INPP5A: variants seen among roughly 807,000 people sequenced by gnomAD.
INPP5A encodes the protein 43 kDa inositol polyphosphate 5-phophatase.
In INPP5A, 14 loss-of-function variants were observed where a neutral mutation model predicts 65.2. The ratio of observed to expected loss-of-function variants is 0.21; its 90% CI spans 0.14 to 0.34. The LOEUF (loss-of-function observed/expected upper bound fraction) is 0.34. INPP5A is among the 10% of genes least tolerant of loss of function. The pLI, the probability that INPP5A is intolerant of heterozygous loss-of-function variation, is 1.00. For synonymous variants in INPP5A, 207 were observed against 208.3 expected, an observed-to-expected ratio of 0.99 and a Z score of 0.05; for missense variants, 431 against 545.6, an observed-to-expected ratio of 0.79 and a Z score of 2.09.
intron 1 of INPP5A, among the ~76,000 whole-genome samples, chr10:132,606,640 A>G (rs2133338964): frequency 6.6e-6 from 1 of 152,336 alleles, no homozygotes; most frequent in South Asian, 2.1e-4. Flanking sequence ...CCCGTCAGCA[A>G]GTGAACGGAG....
chr10:132,725,858 T>G (rs1845976059), intron 8 of INPP5A, among the ~76,000 whole-genome samples: 1 of 152,204 alleles, frequency 6.6e-6, no homozygotes, highest in South Asian at 2.1e-4. Context: ...ATTAGGAAAT[T>G]TGGCAACCAG....
chr10:132,658,417 C>T (rs1212880275), intron 4 of INPP5A, among the ~76,000 whole-genome samples: 2 of 152,114 alleles, frequency 1.3e-5, no homozygotes, highest in African/African-American at 4.8e-5. Context: ...TAGGACCTTC[C>T]ATCATAATTT....
chr10:132,642,413 C>T (rs1017370035), intron 2 of INPP5A, among the ~76,000 whole-genome samples: 1 of 152,196 alleles, frequency 6.6e-6, no homozygotes, highest in Non-Finnish European at 1.5e-5. Flanking sequence ...CGTTCCGGGG[C>T]CCCTGATGTG....
rs1393934127 is a variant in INPP5A at position 132,616,087 on chromosome 10, G to A, written c.117+8131G>A. On this transcript the variant is annotated intron_variant, in intron 2 of 15. Coordinates refer to ENST00000368594, the MANE Select transcript of INPP5A (RefSeq NM_005539.5). This position sits in a 1 kb window ranked among gnomAD's most constrained non-coding sequence, Gnocchi z 4.9. Reference sequence around the variant, plus strand: ...GATGGTCGTGTGCGTCGTTTTAGGAGCATGTGTGTGAGCGTGAGGATGCCC... The same window carrying A: ...GATGGTCGTGTGCGTCGTTTTAGGAACATGTGTGTGAGCGTGAGGATGCCC... Among the ~76,000 whole-genome samples the A allele has an allele frequency of 3.9e-5, 6 of 152,190 alleles. No individual in the cohort carries two copies. The highest frequency in any genetic ancestry group is 1.4e-4 in the African/African-American group (6 of 41,440).
intron 1 of INPP5A, among the ~76,000 whole-genome samples, chr10:132,594,246 G>A (rs2819711): frequency 0.22 from 33,925 of 152,040 alleles, 4,758 homozygotes; most frequent in East Asian, 0.46. Flanking sequence ...GCCTCTAACC[G>A]CGTGTGATTA....
chr10:132,630,719 G>A (rs2072257622), intron 2 of INPP5A, among the ~76,000 whole-genome samples: 2 of 136,880 alleles, frequency 1.5e-5, no homozygotes, highest in Admixed American at 1.4e-4. Flanking sequence ...GGTGGGGGGC[G>A]GGTGGGGCCT....
rs1337667073 is a variant in INPP5A, at chr10:132,545,800, C to G, written c.75+7629C>G. ...GGTTGGTGCTGCCATGGGCTCAGAT[C>G]TGGCGTTTTCCAAGCTCCCCCTGCT... On this transcript the variant is annotated intron_variant, in intron 1 of 15. Transcript: ENST00000368594. This position sits in a 1 kb window ranked among gnomAD's most constrained non-coding sequence, Gnocchi z 4.6. Among the ~76,000 whole-genome samples, 1 of 152,218 alleles carries G rather than the reference C, an allele frequency of 6.6e-6. No individual in the cohort carries two copies. Among genetic ancestry groups the G allele is most frequent in the East Asian group, 1.9e-4 (1 of 5,186 alleles).
intron 2 of INPP5A, among the ~76,000 whole-genome samples, chr10:132,618,561 C>T (rs1312597686): frequency 6.6e-6 from 1 of 152,210 alleles, no homozygotes; most frequent in African/African-American, 2.4e-5. Flanking sequence ...GTGTCTGTTT[C>T]CAGCTAACAT....
intron 11 of INPP5A, among the ~76,000 whole-genome samples, chr10:132,755,047 ATGTGTGTGATCATATGCG>A (rs1177813760): frequency 5.3e-5 from 8 of 149,876 alleles, no homozygotes; most frequent in South Asian, 2.1e-4. Context: ...GATCGTATGC[ATGTGTGTGATCATATGCG>A]TGTGTGTGAT....
chr10:132,727,357 T>A lies in INPP5A; in HGVS notation c.732+452T>A, dbSNP rs1590961667. On this transcript the variant is annotated intron_variant, in intron 9 of 15. Coordinates refer to ENST00000368594, the MANE Select transcript of INPP5A (RefSeq NM_005539.5). This position sits in a 1 kb window ranked among gnomAD's most constrained non-coding sequence, Gnocchi z 6.5. ...TGCTTTTCTGTCTGCAAAGTCATTA[T>A]TCCGTGAGTTAACGAGTCGTCACCC... is the stretch of plus-strand genomic sequence containing the variant. 1 of 153,156 alleles carries A rather than the reference T, an allele frequency of 6.5e-6. No individual in the cohort carries two copies. The allele number at this position is 153,156 out of a possible 1,614,324, so 9.5% of individuals were successfully genotyped here.
At chr10:132,636,020 C>T (rs2072346463) in intron 2 of INPP5A, among the ~76,000 whole-genome samples, 1 of 149,478 alleles carries the variant, frequency 6.7e-6, no homozygotes, top group Admixed American at 6.6e-5. Context: ...CAAGTGGTTG[C>T]TAGTTAATAT....
chr10:132,573,625 G>A (rs1359805269), intron 1 of INPP5A, among the ~76,000 whole-genome samples: 2 of 127,858 alleles, frequency 1.6e-5, no homozygotes, highest in Non-Finnish European at 3.2e-5. Flanking sequence ...TGGGGTGTGC[G>A]TGCCGTGTGA....
rs140099082 is a variant in INPP5A at position 132,645,968 on chromosome 10, A to G, written c.218A>G (p.Lys73Arg). 5 of 1,609,934 alleles carry G rather than the reference A, an allele frequency of 3.1e-6. No individual in the cohort carries two copies. Among genetic ancestry groups the G allele is most frequent in the Non-Finnish European group, 4.2e-6 (5 of 1,176,508 alleles). The change falls in exon 3 of 16, where the codon AAA becomes AGA. Residue 73 changes from lysine to arginine, a missense_variant and splice_region_variant. Coordinates refer to ENST00000368594, the MANE Select transcript of INPP5A (RefSeq NM_005539.5). ...ATGTCCCACGTGGACAAGTTCGTCAAGTAAGTCTAGGGGCAGGTGCTGGTG... is the reference window on the plus strand; with the variant it reads ...ATGTCCCACGTGGACAAGTTCGTCAGGTAAGTCTAGGGGCAGGTGCTGGTG... ...ASMSHVDKFV[K>R]ELLSSDAMKE...
chr10:132,782,082 G>C lies in INPP5A; in HGVS notation c.*53G>C, dbSNP rs759562192. 4 of 1,547,178 alleles carry C rather than the reference G, an allele frequency of 2.6e-6. No homozygotes were observed. Among genetic ancestry groups the C allele is most frequent in the Non-Finnish European group, 2.6e-6 (3 of 1,142,944 alleles). On this transcript the variant is annotated 3_prime_UTR_variant, in exon 16 of 16. Coordinates refer to ENST00000368594, the MANE Select transcript of INPP5A (RefSeq NM_005539.5). The surrounding 1 kb of genome is among the most constrained non-coding windows in gnomAD (Gnocchi z 4.4). ...GAGAGGACACTTCGTGAGCCTCCCT[G>C]TAGCCGTGGACCGAATACGCACTCT...
chr10:132,765,839 C>T lies in INPP5A; in HGVS notation c.970C>T (p.Pro324Ser). 1 of 1,592,660 alleles carries T rather than the reference C, an allele frequency of 6.3e-7. No homozygotes were observed. Among genetic ancestry groups the T allele is most frequent in the Non-Finnish European group, 8.6e-7 (1 of 1,160,450 alleles). ...DRLYELDISF[P>S]PSYPYSEDAR... ...ACTGTATGAACTGGACATCTCGTTC[C>T]CTCCCAGGTATGGAACATGCTGTTT... The change falls in exon 12 of 16, where the codon CCT (proline) becomes TCT (serine). Residue 324 changes from proline to serine, a missense_variant. Coordinates refer to ENST00000368594, the MANE Select transcript of INPP5A (RefSeq NM_005539.5).
chr10:132,718,433 C>T (rs1845786970), intron 8 of INPP5A, among the ~76,000 whole-genome samples: 1 of 149,138 alleles, frequency 6.7e-6, no homozygotes, highest in Admixed American at 6.7e-5. Context: ...TACCTGGGTT[C>T]TGTCTGGGCG....
At chr10:132,731,030 C>T (rs1320576563) in intron 9 of INPP5A, among the ~76,000 whole-genome samples, 2 of 152,214 alleles carry the variant, frequency 1.3e-5, no homozygotes, top group Non-Finnish European at 2.9e-5. Context: ...AGCTTGGGCT[C>T]AGCTGCTCCC....
intron 11 of INPP5A, among the ~76,000 whole-genome samples, chr10:132,752,229 A>G (rs1282368236): frequency 6.6e-6 from 1 of 151,910 alleles, no homozygotes; most frequent in Non-Finnish European, 1.5e-5. Context: ...CAGGGGAGCA[A>G]AGTCTCCGGG....
In INPP5A at chr10:132,698,065, C is replaced by G. The variant is rs1316753301; in HGVS notation, c.474+146C>G. On this transcript the variant is annotated intron_variant, in intron 6 of 15. Coordinates refer to ENST00000368594, the MANE Select transcript of INPP5A (RefSeq NM_005539.5). This position sits in a 1 kb window ranked among gnomAD's most constrained non-coding sequence, Gnocchi z 5.5. ...CCGATAATCTGTCTTCCTGGGAGTC[C>G]AGGCTTCTGTGGTTGGTCTGGGCTG... The G allele has an allele frequency of 1.5e-6, 1 of 652,514 alleles. No homozygotes were observed. Among genetic ancestry groups the G allele is most frequent in the African/African-American group, 1.8e-5 (1 of 55,802 alleles). 40.4% of individuals were successfully genotyped at this position (652,514 alleles called of 1,614,324 possible).
Sources: gnomAD v4.1 joint callset for allele counts (sites outside exome capture counted in the v4.1 genomes callset) on GRCh38, gnomAD v4.1.1 for gene constraint, Gnocchi (gnomAD v3.1) non-coding constraint, MANE v1.5 for transcripts, NCBI Gene and HGNC (gene_info 2026-07-23, HGNC 2026-07-21) for gene names.